SLC25A10: variants seen among roughly 807,000 people sequenced by gnomAD.
SLC25A10 encodes mitochondrial dicarboxylate carrier.
SLC25A10 carries 32 observed loss-of-function variants against 40.4 expected under a neutral mutation model. That is an observed-to-expected ratio of 0.79 (90% CI 0.60 to 1.06). The LOEUF (loss-of-function observed/expected upper bound fraction) is 1.06. SLC25A10 is among the 50% of genes least tolerant of loss of function. The pLI is 0.00. For synonymous variants in SLC25A10, 181 were observed against 171.1 expected (o/e 1.06, Z -0.45); for missense variants, 394 against 402.6 (o/e 0.98, Z 0.18).
chr17:81,717,572 G>A, intron 8 of SLC25A10, 81 bp downstream of exon 8: 1 of 1,509,572 alleles, frequency 6.6e-7, no homozygotes, highest in Non-Finnish European at 9.2e-7. Context: ...GCGAGGGCTG[G>A]GGGAGGCGGG....
intron 1 of SLC25A10, among the ~76,000 whole-genome samples, 184 bp downstream of exon 1, chr17:81,712,703 G>A (rs1200608921): frequency 6.6e-6 from 1 of 152,212 alleles, no homozygotes; most frequent in Non-Finnish European, 1.5e-5. Context: ...GGTGGCCGCC[G>A]AGCTCGAGGC....
intron 8 of SLC25A10, 40 bp downstream of exon 8, chr17:81,717,531 G>T (rs745448015): frequency 1.1e-4 from 173 of 1,605,730 alleles, no homozygotes; most frequent in Non-Finnish European, 1.4e-4. Context: ...TCCCTGGGCC[G>T]GCCTTGGGCG....
chr17:81,714,606 CG>C (rs2037444083), intron 1 of SLC25A10, among the ~76,000 whole-genome samples: 1 of 152,164 alleles, frequency 6.6e-6, no homozygotes, highest in Non-Finnish European at 1.5e-5. Context: ...GGGGTCTCCT[CG>C]CTGGGCCCAA....
At position 81,715,897 on chromosome 17, in the gene SLC25A10, C is replaced by T. The variant is rs561738919; in HGVS notation, c.378-112C>T. ...TAGGAGGGTGGGTGTCCCTGAGCCC[C>T]GGCGTGCCCTGTCCTGTGGGCCCCG... is the stretch of plus-strand genomic sequence containing the variant. On this transcript the variant is annotated intron_variant, in intron 4 of 10. Transcript: ENST00000350690. 406 of 1,416,230 alleles carry T rather than the reference C, an allele frequency of 2.9e-4. 3 individuals are homozygous for T. The South Asian group carries it at 3.8e-3, about 13-fold the overall frequency. The allele number at this position is 1,416,230 out of a possible 1,614,324, so 87.7% of individuals were successfully genotyped here. A position where few individuals can be genotyped will look rare whatever the true frequency, so the allele number is the denominator to read the frequency against.
Position 81,712,521 on chromosome 17 carries a change from T to C in SLC25A10, c.93+2T>C. The C allele has an allele frequency of 2.4e-6, 3 of 1,251,156 alleles. No homozygotes were observed. The highest frequency in any genetic ancestry group is 3.0e-6 in the Non-Finnish European group (3 of 996,886). The allele number at this position is 1,251,156 out of a possible 1,614,324, so 77.5% of individuals were successfully genotyped here. A position where few individuals can be genotyped will look rare whatever the true frequency, so the allele number is the denominator to read the frequency against. Reference sequence around the variant, plus strand: ...ACGCACCCGCTGGACCTGCTCAAGGTGAGGCCGGGGCCCGGGACGCGGGGC... The same window carrying C: ...ACGCACCCGCTGGACCTGCTCAAGGCGAGGCCGGGGCCCGGGACGCGGGGC... On this transcript the variant is annotated splice_donor_variant, in intron 1 of 10. Transcript: ENST00000350690. LOFTEE classifies it high-confidence loss of function.
rs1410623513 is a variant in SLC25A10, at chr17:81,718,213, G to C, written c.705+352G>C. On this transcript the variant is annotated intron_variant, in intron 9 of 10. Transcript: ENST00000350690. ...TTACAAAAATTAGGGGCCAGGTGCGGTGGCTCATGCCTATCATCCCAGCAC... is the reference window on the plus strand; with the variant it reads ...TTACAAAAATTAGGGGCCAGGTGCGCTGGCTCATGCCTATCATCCCAGCAC... 2.0e-5 allele frequency among the ~76,000 whole-genome samples: 3 copies of C among 152,300 alleles called. No individual in the cohort carries two copies. In the East Asian group the frequency reaches 5.8e-4, roughly 29 times the overall value.
intron 9 of SLC25A10, among the ~76,000 whole-genome samples, chr17:81,718,558 G>C (rs1384228490): frequency 6.6e-6 from 1 of 152,206 alleles, no homozygotes; most frequent in Non-Finnish European, 1.5e-5. Context: ...AGGAGGCTGA[G>C]GTGGGATAAT....
At chr17:81,714,688 G>A (rs1395410280) in intron 1 of SLC25A10, among the ~76,000 whole-genome samples, 2 of 152,174 alleles carry the variant, frequency 1.3e-5, no homozygotes, top group African/African-American at 4.8e-5. Context: ...GGAGAATGGC[G>A]AGCCCCTGCG....
At position 81,716,823 on chromosome 17, in the gene SLC25A10, C is replaced by T. The variant is rs768800190; in HGVS notation, c.431C>T (p.Ala144Val). 6.2e-6 allele frequency: 10 copies of T among 1,609,110 alleles called. No individual in the cohort carries two copies. Among genetic ancestry groups the T allele is most frequent in the African/African-American group, 2.7e-5 (2 of 74,860 alleles). ...PQGQRRNYAH[A>V]LDGLYRVARE... The stretch of plus-strand genomic sequence containing the variant: ...TGTGTCCCCGGCAGCTACGCCCATG[C>T]GCTGGATGGCCTGTACCGCGTAGCT... The change falls in exon 6 of 11, where the codon GCG becomes GTG. Residue 144 changes from alanine (A) to valine (V), a missense_variant. Ala to Val is a moderately conservative substitution (Grantham distance 64). Transcript: ENST00000350690.
chr17:81,716,320 A>G (rs528412915), intron 5 of SLC25A10, among the ~76,000 whole-genome samples: 7 of 152,270 alleles, frequency 4.6e-5, no homozygotes, highest in Non-Finnish European at 7.4e-5. Context: ...CGAACGCCCC[A>G]GGCATGGAGA....
At position 81,715,751 on chromosome 17, in the gene SLC25A10, C is replaced by T. The variant is rs549322119; in HGVS notation, c.377+10C>T. ...ACTTGGTCAACGTCAGGTTGGTGTT[C>T]CCCCACCCCACCTGCAAGGCCAGGG... On this transcript the variant is annotated intron_variant, in intron 4 of 10. Coordinates refer to ENST00000350690, the MANE Select transcript of SLC25A10 (RefSeq NM_012140.5). 1.4e-5 allele frequency: 23 copies of T among 1,613,094 alleles called. No homozygotes were observed. In the South Asian group the frequency reaches 2.3e-4, roughly 16 times the overall value.
intron 1 of SLC25A10, chr17:81,713,268 C>G (rs1365913448): frequency 6.3e-6 from 1 of 158,878 alleles, no homozygotes; most frequent in Non-Finnish European, 1.3e-5. Flanking sequence ...CCAGGGACAG[C>G]CAAGGGGCGT....
Position 81,712,527 on chromosome 17 carries a change from C to T in SLC25A10, c.93+8C>T. The T allele has an allele frequency of 8.1e-7, 1 of 1,240,788 alleles. No homozygotes were observed. The highest frequency in any genetic ancestry group is 1.0e-6 in the Non-Finnish European group (1 of 990,716). The allele number at this position is 1,240,788 out of a possible 1,614,324, so 76.9% of individuals were successfully genotyped here. On this transcript the variant is annotated splice_region_variant and intron_variant, in intron 1 of 10. Transcript: ENST00000350690. ...CCGCTGGACCTGCTCAAGGTGAGGCCGGGGCCCGGGACGCGGGGCGGATGG... is the reference window on the plus strand; with the variant it reads ...CCGCTGGACCTGCTCAAGGTGAGGCTGGGGCCCGGGACGCGGGGCGGATGG...
At position 81,720,212 on chromosome 17, in the gene SLC25A10, T is replaced by TCC; in HGVS notation, c.*140_*141dup. 6.8e-7 allele frequency: 1 copy of TCC among 1,466,214 alleles called. No individual in the cohort carries two copies. Among genetic ancestry groups the TCC allele is most frequent in the South Asian group, 1.4e-5 (1 of 72,236 alleles). The allele number at this position is 1,466,214 out of a possible 1,614,324, so 90.8% of individuals were successfully genotyped here. A position where few individuals can be genotyped will look rare whatever the true frequency, so the allele number is the denominator to read the frequency against. On this transcript the variant is annotated 3_prime_UTR_variant, in exon 11 of 11. Coordinates refer to ENST00000350690, the MANE Select transcript of SLC25A10 (RefSeq NM_012140.5). The stretch of plus-strand genomic sequence containing the variant: ...CGTCCTCCGCAGCAGGCCCCTGCTG[T>TCC]CCCCCCACCTGCTGGCTGAGCTCCT...
At chr17:81,715,387 C>G (rs561180062) in intron 2 of SLC25A10, 91 bp from the exon 3 acceptor site, 40 of 1,171,294 alleles carry the variant, frequency 3.4e-5, no homozygotes, top group Non-Finnish European at 4.7e-5. Context: ...TGTGGCCCCT[C>G]GGGCTGAGGG....
At chr17:81,718,746 A>ACT (rs2037534942) in intron 9 of SLC25A10, among the ~76,000 whole-genome samples, 2 of 151,488 alleles carry the variant, frequency 1.3e-5, no homozygotes, top group Non-Finnish European at 2.9e-5. Flanking sequence ...CAGGAGTTGG[A>ACT]GACCAGCCTG....
chr17:81,715,042 C>T lies in SLC25A10; in HGVS notation c.183C>T (p.Tyr61=), dbSNP rs768749996. ...GTACCGACGGCATCCTGGCACTCTA[C>T]AGCGGCCTGAGCGCCTCGCTGTGCA... ...VVRTDGILAL[Y]SGLSASLCRQ... Residue 61 remains tyrosine (Y), a synonymous_variant, in exon 2 of 11, where the codon TAC becomes TAT. Coordinates refer to ENST00000350690, the MANE Select transcript of SLC25A10 (RefSeq NM_012140.5). The T allele has an allele frequency of 1.9e-6, 3 of 1,610,104 alleles. No homozygotes were observed. Among genetic ancestry groups the T allele is most frequent in the Admixed American group, 3.3e-5 (2 of 59,986 alleles).
chr17:81,720,352 A>G lies in SLC25A10; in HGVS notation c.*275A>G. ...CTCCCGCTGGCAGCTCCTCAGGGGA[A>G]CAGGGGCTACCAGAGGCTGATTTCT... On this transcript the variant is annotated 3_prime_UTR_variant, in exon 11 of 11. Coordinates refer to ENST00000350690, the MANE Select transcript of SLC25A10 (RefSeq NM_012140.5). 1 of 1,420,266 alleles carries G rather than the reference A, an allele frequency of 7.0e-7. No homozygotes were observed. The highest frequency in any genetic ancestry group is 9.1e-7 in the Non-Finnish European group (1 of 1,093,082). The allele number at this position is 1,420,266 out of a possible 1,614,324, so 88.0% of individuals were successfully genotyped here.
intron 7 of SLC25A10, among the ~76,000 whole-genome samples, 159 bp downstream of exon 7, chr17:81,717,231 CT>C (rs2037505479): frequency 6.6e-6 from 1 of 152,202 alleles, no homozygotes. Flanking sequence ...TGGGTCAGGG[CT>C]GCAGCCTGTG....
Sources: allele counts gnomAD v4.1 joint callset (sites outside exome capture counted in the v4.1 genomes callset), GRCh38; gene constraint gnomAD v4.1.1; transcripts MANE v1.5; gene names NCBI Gene and HGNC (gene_info 2026-07-23, HGNC 2026-07-21).